KCNIP1: variants seen among roughly 807,000 people sequenced by gnomAD.
KCNIP1 encodes potassium voltage-gated channel interacting protein 1.
In KCNIP1, 18 loss-of-function variants were observed where a neutral mutation model predicts 33.0. The observed-to-expected ratio is 0.55, with a 90% CI of 0.38 to 0.81. The LOEUF (loss-of-function observed/expected upper bound fraction) is 0.81. KCNIP1 is among the 30% of genes least tolerant of loss of function. The pLI, the probability that KCNIP1 is intolerant of heterozygous loss-of-function variation, is 0.00. For synonymous variants in KCNIP1, 93 were observed against 98.3 expected (o/e 0.95, Z 0.32); for missense variants, 238 against 271.6 (o/e 0.88, Z 0.87).
rs942162001 is a variant in KCNIP1, at chr5:170,528,158, C to A, written c.61+23525C>A. Among the ~76,000 whole-genome samples, 4 of 152,134 alleles carry A rather than the reference C, an allele frequency of 2.6e-5. No individual in the cohort carries two copies. In the South Asian group the frequency reaches 8.3e-4, roughly 31 times the overall value. ...GGAGACCTGCCTCTCAGCAGCCAAT[C>A]CCACCCAGGCTGCTCTGGAACTGGA... On this transcript the variant is annotated intron_variant, in intron 1 of 7. Coordinates refer to ENST00000328939, the MANE Select transcript of KCNIP1 (RefSeq NM_014592.4).
chr5:170,473,579 G>A (rs1199930149), intron 1 of KCNIP1, among the ~76,000 whole-genome samples: 1 of 152,138 alleles, frequency 6.6e-6, no homozygotes, highest in Non-Finnish European at 1.5e-5. Context: ...CGAAGTCTAA[G>A]GGAAAGCAGA....
At chr5:170,587,688 T>C (rs1034689546) in intron 1 of KCNIP1, among the ~76,000 whole-genome samples, 1 of 152,256 alleles carries the variant, frequency 6.6e-6, no homozygotes, top group Non-Finnish European at 1.5e-5. Flanking sequence ...CCTCTGACCC[T>C]GAGCCTCTGC....
At chr5:170,499,964 G>T (rs545178720), upstream of KCNIP1, among the ~76,000 whole-genome samples, 1 of 152,128 alleles carries the variant, frequency 6.6e-6, no homozygotes, top group Non-Finnish European at 1.5e-5. Context: ...CTGGGGTTGC[G>T]CATCAGTCTG....
chr5:170,486,888 C>T (rs1757104445), intron 1 of KCNIP1, among the ~76,000 whole-genome samples: 1 of 152,144 alleles, frequency 6.6e-6, no homozygotes, highest in African/African-American at 2.4e-5. Flanking sequence ...TATGGTCTCA[C>T]TATAATTTAT....
At chr5:170,388,055 A>G (rs1317984805) in intron 1 of KCNIP1, among the ~76,000 whole-genome samples, 5 of 152,262 alleles carry the variant, frequency 3.3e-5, no homozygotes, top group South Asian at 4.1e-4. Context: ...CTCCTCTGCT[A>G]TTTGGCTTCT....
chr5:170,487,737 C>T (rs1179529366), intron 1 of KCNIP1, among the ~76,000 whole-genome samples: 1 of 151,996 alleles, frequency 6.6e-6, no homozygotes. Context: ...AGGCTGGTCT[C>T]GAACTCCTGG....
intron 1 of KCNIP1, among the ~76,000 whole-genome samples, chr5:170,495,890 C>G (rs62394276): frequency 0.16 from 24,374 of 152,146 alleles, 2,049 homozygotes; most frequent in South Asian, 0.23. Flanking sequence ...CTCCCCCATT[C>G]CTTCCTCCTT....
intron 1 of KCNIP1, among the ~76,000 whole-genome samples, chr5:170,439,835 G>T (rs1230334880): frequency 6.6e-6 from 1 of 152,254 alleles, no homozygotes; most frequent in South Asian, 2.1e-4. Context: ...CTGAGAAGAA[G>T]TGGGCTTGCA....
intron 1 of KCNIP1, among the ~76,000 whole-genome samples, chr5:170,718,046 CA>C (rs1763694081): frequency 6.6e-6 from 1 of 152,186 alleles, no homozygotes; most frequent in African/African-American, 2.4e-5. Flanking sequence ...CTTTAATTGA[CA>C]GACACTTTCT....
intron 1 of KCNIP1, among the ~76,000 whole-genome samples, chr5:170,402,998 C>A (rs906904658): frequency 3.3e-5 from 5 of 152,314 alleles, no homozygotes; most frequent in African/African-American, 1.2e-4. Context: ...TCACGTACGC[C>A]TGTTCCATCT....
intron 1 of KCNIP1, among the ~76,000 whole-genome samples, chr5:170,668,578 T>C (rs779561105): frequency 3.9e-5 from 6 of 152,220 alleles, no homozygotes; most frequent in Non-Finnish European, 7.3e-5. Flanking sequence ...GAGATTGGCA[T>C]ACAGGGGAGG....
At chr5:170,603,254 C>A (rs1477476990) in intron 1 of KCNIP1, among the ~76,000 whole-genome samples, 1 of 152,220 alleles carries the variant, frequency 6.6e-6, no homozygotes. Context: ...TTCAAAGTGT[C>A]GCTGGAGGTT....
intron 5 of KCNIP1, among the ~76,000 whole-genome samples, chr5:170,729,991 A>T (rs1764139995): frequency 6.6e-6 from 1 of 152,144 alleles, no homozygotes; most frequent in African/African-American, 2.4e-5. Flanking sequence ...TGTAAAATGA[A>T]TTACAGTAAA....
At chr5:170,710,497 C>T (rs1467478242) in intron 1 of KCNIP1, among the ~76,000 whole-genome samples, 1 of 152,082 alleles carries the variant, frequency 6.6e-6, no homozygotes, top group African/African-American at 2.4e-5. Context: ...AGTCTTGTCT[C>T]TTAATATGCC....
intron 1 of KCNIP1, among the ~76,000 whole-genome samples, chr5:170,568,098 G>A (rs1757264107): frequency 6.6e-6 from 1 of 152,190 alleles, no homozygotes; most frequent in Non-Finnish European, 1.5e-5. Flanking sequence ...AAATGGGATC[G>A]ATAACAGAGG....
intron 1 of KCNIP1, among the ~76,000 whole-genome samples, chr5:170,663,044 T>G (rs972354715): frequency 7.9e-5 from 12 of 152,180 alleles, no homozygotes; most frequent in Admixed American, 6.5e-4. Context: ...TCACCACTTC[T>G]TGAACCAGGC....
intron 1 of KCNIP1, among the ~76,000 whole-genome samples, chr5:170,691,339 AG>A (rs1057484667): frequency 1.1e-4 from 16 of 152,242 alleles, no homozygotes; most frequent in African/African-American, 3.9e-4. Flanking sequence ...GGTATCAAAA[AG>A]GTGTATTTCA....
At chr5:170,435,604 G>T (rs1296268949) in intron 1 of KCNIP1, among the ~76,000 whole-genome samples, 2 of 152,184 alleles carry the variant, frequency 1.3e-5, no homozygotes, top group Admixed American at 6.5e-5. Context: ...GAAGGCACAG[G>T]CTCTGGAAGA....
At chr5:170,379,037 T>A in intron 1 of KCNIP1, 1 of 1,558,922 alleles carries the variant, frequency 6.4e-7, no homozygotes, top group Non-Finnish European at 8.7e-7. Flanking sequence ...AAGGGCTTGA[T>A]ATGGAGTAAA....
Sources: allele counts gnomAD v4.1 joint callset (sites outside exome capture counted in the v4.1 genomes callset), GRCh38; gene constraint gnomAD v4.1.1; transcripts MANE v1.5; gene names NCBI Gene and HGNC (gene_info 2026-07-23, HGNC 2026-07-21).